The following LRRC4B variants were observed in gnomAD, a reference collection of about 807,000 sequenced individuals.
The protein encoded by LRRC4B is leucine rich repeat containing 4B, also known as leucine-rich repeat-containing protein 4B.
LRRC4B carries 1 observed loss-of-function variant against 7.3 expected under a neutral mutation model. The observed-to-expected ratio is 0.14, with a 90% CI of 0.05 to 0.65. LRRC4B has a LOEUF of 0.65. LRRC4B is among the 30% of genes least tolerant of loss of function. LRRC4B has a pLI of 0.84. For missense variants in LRRC4B, 730 were observed against 1,041.6 expected (o/e 0.70, Z 4.12); for synonymous variants, 500 against 499.2 (o/e 1.00, Z -0.02).
chr19:50,526,535 G>A (rs1049364376), intron 2 of LRRC4B, among the ~76,000 whole-genome samples: 1 of 152,116 alleles, frequency 6.6e-6, no homozygotes, highest in East Asian at 1.9e-4. Flanking sequence ...GGACTCCACC[G>A]CCTCAGAGTG....
At position 50,553,358 on chromosome 19, in the gene LRRC4B, A is replaced by C. The variant is rs920380786; in HGVS notation, c.-35-4485T>G. 1.3e-5 allele frequency among the ~76,000 whole-genome samples: 2 copies of C among 152,066 alleles called. No individual in the cohort carries two copies. Among genetic ancestry groups the C allele is most frequent in the Non-Finnish European group, 2.9e-5 (2 of 68,010 alleles). On this transcript the variant is annotated intron_variant, in intron 1 of 2. Transcript: ENST00000652263. This position sits in a 1 kb window ranked among gnomAD's most constrained non-coding sequence, Gnocchi z 4.2. ...CACTCAGAGCAGAGATGAGGACTTC[A>C]GTTTTCAGGTCTCCACTCTCCACCC...
intron 2 of LRRC4B, among the ~76,000 whole-genome samples, chr19:50,543,983 A>G (rs949589301): frequency 6.6e-6 from 1 of 152,082 alleles, no homozygotes; most frequent in Non-Finnish European, 1.5e-5. Context: ...AGGCGGGCAG[A>G]TCATCTGAGG....
In LRRC4B at chr19:50,531,393, C is replaced by T. The variant is rs575697598; in HGVS notation, c.298-11978G>A. ...ACCGTGACAACAGCGTGGCCACAGGCGGACAGCCTGAGGCTGCTCGGCGCT... is the reference window on the plus strand; with the variant it reads ...ACCGTGACAACAGCGTGGCCACAGGTGGACAGCCTGAGGCTGCTCGGCGCT... On this transcript the variant is annotated intron_variant, in intron 2 of 2. Transcript: ENST00000652263. 7.9e-5 allele frequency among the ~76,000 whole-genome samples: 12 copies of T among 152,296 alleles called. No individual in the cohort carries two copies. In the South Asian group the frequency reaches 1.9e-3, roughly 24 times the overall value.
At chr19:50,526,807 A>AT (rs1980827201) in intron 2 of LRRC4B, among the ~76,000 whole-genome samples, 2 of 150,752 alleles carry the variant, frequency 1.3e-5, no homozygotes, top group African/African-American at 2.4e-5. Flanking sequence ...CATCCTTCCA[A>AT]TTTTTTCTAT....
chr19:50,517,364 A>C lies in LRRC4B; in HGVS notation c.*207T>G, dbSNP rs1197787745. The C allele has an allele frequency of 4.9e-6, 2 of 405,462 alleles. No individual in the cohort carries two copies. The highest frequency in any genetic ancestry group is 8.5e-6 in the Non-Finnish European group (2 of 235,448). 25.1% of individuals were successfully genotyped at this position (405,462 alleles called of 1,614,324 possible). ...GGGGATTGGCGGGGGTGAGGCGAGG[A>C]TCCCAGAGACTCCGCTCCTGGAGCC... On this transcript the variant is annotated 3_prime_UTR_variant, in exon 3 of 3. Transcript: ENST00000652263. This position sits in a 1 kb window ranked among gnomAD's most constrained non-coding sequence, Gnocchi z 6.6.
Position 50,517,364 on chromosome 19 carries a change from A to AT in LRRC4B, c.*206dup. 2.5e-6 allele frequency: 1 copy of AT among 405,580 alleles called. No homozygotes were observed. 25.1% of individuals were successfully genotyped at this position (405,580 alleles called of 1,614,324 possible). A position where few individuals can be genotyped will look rare whatever the true frequency, so the allele number is the denominator to read the frequency against. On this transcript the variant is annotated 3_prime_UTR_variant, in exon 3 of 3. Coordinates refer to ENST00000652263, the MANE Select transcript of LRRC4B (RefSeq NM_001080457.2). The surrounding 1 kb of genome is among the most constrained non-coding windows in gnomAD (Gnocchi z 6.6). The stretch of plus-strand genomic sequence containing the variant: ...GGGGATTGGCGGGGGTGAGGCGAGG[A>AT]TCCCAGAGACTCCGCTCCTGGAGCC...
chr19:50,528,273 T>C (rs886846796), intron 2 of LRRC4B, among the ~76,000 whole-genome samples: 2 of 151,786 alleles, frequency 1.3e-5, no homozygotes, highest in Non-Finnish European at 2.9e-5. Context: ...ACTCCTGGCC[T>C]TGAGCAATCC....
In LRRC4B at chr19:50,518,989, C is replaced by T. The variant is rs1295503696; in HGVS notation, c.724G>A (p.Asp242Asn). ...TGGAAGGAGCCCGGGCGGATCAGGT[C>T]CAGCCGGTTGCCCGACAGCTCCAGC... ...EELELSGNRLDLIRPGSFQGL... is the reference protein window; with the variant it reads ...EELELSGNRLNLIRPGSFQGL... Residue 242 changes from aspartate (D) to asparagine (N), a missense_variant, in exon 3 of 3, where the codon GAC becomes AAC. Physicochemically the swap from Asp to Asn is conservative, Grantham distance 23. Transcript: ENST00000652263. 8 of 1,613,046 alleles carry T rather than the reference C, an allele frequency of 5.0e-6. No individual in the cohort carries two copies. Among genetic ancestry groups the T allele is most frequent in the Non-Finnish European group, 6.8e-6 (8 of 1,179,804 alleles).
chr19:50,537,516 C>T lies in LRRC4B; in HGVS notation c.297+11026G>A, dbSNP rs1418951908. On this transcript the variant is annotated intron_variant, in intron 2 of 2. Coordinates refer to ENST00000652263, the MANE Select transcript of LRRC4B (RefSeq NM_001080457.2). This position sits in a 1 kb window ranked among gnomAD's most constrained non-coding sequence, Gnocchi z 5.5. ...GGAGGGGAGAACGCGGGTCTTGTGC[C>T]TCTCAGGACTCGCAGGCTGCTCAAC... Among the ~76,000 whole-genome samples the T allele has an allele frequency of 1.3e-5, 2 of 152,186 alleles. No individual in the cohort carries two copies. The highest frequency in any genetic ancestry group is 2.1e-4 in the South Asian group (1 of 4,832).
In LRRC4B at chr19:50,521,117, A is replaced by G. The variant is rs565336452; in HGVS notation, c.298-1702T>C. 3.9e-5 allele frequency among the ~76,000 whole-genome samples: 6 copies of G among 152,274 alleles called. No individual in the cohort carries two copies. The East Asian group carries it at 1.2e-3, about 29-fold the overall frequency. On this transcript the variant is annotated intron_variant, in intron 2 of 2. Coordinates refer to ENST00000652263, the MANE Select transcript of LRRC4B (RefSeq NM_001080457.2). Reference sequence around the variant, plus strand: ...GATGAATCTCTCAGCTCAGCCATGAAAGGGACCTGGCTACTGATGACCCTC... The same window carrying G: ...GATGAATCTCTCAGCTCAGCCATGAGAGGGACCTGGCTACTGATGACCCTC...
chr19:50,523,858 C>G (rs1289167344), intron 2 of LRRC4B, among the ~76,000 whole-genome samples: 1 of 151,442 alleles, frequency 6.6e-6, no homozygotes, highest in South Asian at 2.1e-4. Flanking sequence ...ACTTGGGAGG[C>G]TGAGGCAGGA....
intron 2 of LRRC4B, among the ~76,000 whole-genome samples, chr19:50,531,355 C>T (rs1981051978): frequency 6.6e-6 from 1 of 152,252 alleles, no homozygotes; most frequent in East Asian, 1.9e-4. Context: ...TCCTTGGTGC[C>T]TCTGGACAGA....
intron 1 of LRRC4B, among the ~76,000 whole-genome samples, chr19:50,552,645 C>CCTCCATCCATCT (rs1568733964): frequency 9.9e-6 from 1 of 101,096 alleles, no homozygotes; most frequent in Non-Finnish European, 2.1e-5. Flanking sequence ...TCCGCCCATC[C>CCTCCATCCATCT]GTCCATCCAT....
At position 50,548,869 on chromosome 19, in the gene LRRC4B, G is replaced by T; in HGVS notation, c.-31C>A. 1 of 1,419,464 alleles carries T rather than the reference G, an allele frequency of 7.0e-7. No individual in the cohort carries two copies. Among genetic ancestry groups the T allele is most frequent in the Non-Finnish European group, 9.3e-7 (1 of 1,080,988 alleles). 87.9% of individuals were successfully genotyped at this position (1,419,464 alleles called of 1,614,324 possible). ...ATGTTCATGCTCCGCGTGGACGCTG[G>T]GGGGCTGTGGGTGGGGGAGAGAAGG... On this transcript the variant is annotated 5_prime_UTR_variant, in exon 2 of 3. Transcript: ENST00000652263. This position sits in a 1 kb window ranked among gnomAD's most constrained non-coding sequence, Gnocchi z 6.8.
At chr19:50,546,407 G>C (rs968921523) in intron 2 of LRRC4B, among the ~76,000 whole-genome samples, 2 of 152,158 alleles carry the variant, frequency 1.3e-5, no homozygotes, top group South Asian at 2.1e-4. Flanking sequence ...GCCTCTTGCT[G>C]TCTGGGATGT....
chr19:50,543,852 C>CAAAAAAAAAAAA (rs36044151), intron 2 of LRRC4B, among the ~76,000 whole-genome samples: 1 of 83,380 alleles, frequency 1.2e-5, no homozygotes, highest in African/African-American at 5.0e-5. Flanking sequence ...GCCTCCATCT[C>CAAAAAAAAAAAA]AAAAAAAAAA....
intron 2 of LRRC4B, among the ~76,000 whole-genome samples, chr19:50,532,162 G>T (rs1981086220): frequency 6.6e-6 from 1 of 152,150 alleles, no homozygotes; most frequent in Non-Finnish European, 1.5e-5. Flanking sequence ...CTTGAACCCG[G>T]GAGGCGGAGG....
intron 2 of LRRC4B, among the ~76,000 whole-genome samples, chr19:50,545,507 G>A (rs1258382334): frequency 6.6e-6 from 1 of 151,966 alleles, no homozygotes; most frequent in Non-Finnish European, 1.5e-5. Context: ...CTTGAGCCAG[G>A]GAAGTTAAGG....
chr19:50,550,473 C>T (rs1006538109), intron 1 of LRRC4B, among the ~76,000 whole-genome samples: 12 of 102,740 alleles, frequency 1.2e-4, no homozygotes, highest in Admixed American at 3.3e-4. Flanking sequence ...CCCCCTCTCA[C>T]GGTGGACTCT....
Sources: gnomAD v4.1 joint callset for allele counts (sites outside exome capture counted in the v4.1 genomes callset) on GRCh38, gnomAD v4.1.1 for gene constraint, Gnocchi (gnomAD v3.1) non-coding constraint, MANE v1.5 for transcripts, NCBI Gene and HGNC (gene_info 2026-07-23, HGNC 2026-07-21) for gene names.